NELL2: variants seen among roughly 807,000 people sequenced by gnomAD.
NELL2 encodes protein kinase C-binding protein NELL2.
Under a neutral mutation model 109.6 loss-of-function variants are expected in NELL2, and 41 were observed. The observed-to-expected ratio is 0.37, with a 90% CI of 0.29 to 0.49. The LOEUF (loss-of-function observed/expected upper bound fraction) is 0.49. Among genes scored for constraint, NELL2 ranks in the 20% least tolerant of loss-of-function variants. NELL2 has a pLI of 0.98. For synonymous variants in NELL2, 355 were observed against 344.7 expected (o/e 1.03, Z -0.33); for missense variants, 900 against 1,008.3 (o/e 0.89, Z 1.45).
chr12:44,518,658 C>T (rs1311038197), intron 19 of NELL2, among the ~76,000 whole-genome samples: 1 of 152,120 alleles, frequency 6.6e-6, no homozygotes, highest in African/African-American at 2.4e-5. Context: ...TTGTCCATCA[C>T]TCAATATATA....
intron 9 of NELL2, among the ~76,000 whole-genome samples, chr12:44,736,951 A>T (rs1039803866): frequency 3.3e-5 from 5 of 152,024 alleles, no homozygotes; most frequent in African/African-American, 1.2e-4. Flanking sequence ...TGTGACTATC[A>T]CAATGTAAAT....
intron 1 of NELL2, among the ~76,000 whole-genome samples, chr12:44,897,932 GA>G (rs1367335066): frequency 6.6e-6 from 1 of 152,206 alleles, no homozygotes; most frequent in Admixed American, 6.5e-5. Context: ...GTGGTGTGGG[GA>G]GGGGCATCCG....
At chr12:44,790,897 A>G (rs1026504880) in intron 3 of NELL2, among the ~76,000 whole-genome samples, 8 of 150,864 alleles carry the variant, frequency 5.3e-5, no homozygotes, top group Non-Finnish European at 1.0e-4. Flanking sequence ...CTTTAAAGCA[A>G]CAGCAGTTAA....
upstream of NELL2, chr12:44,877,045 C>T (rs1399790748): frequency 1.1e-5 from 3 of 266,934 alleles, no homozygotes; most frequent in Non-Finnish European, 1.9e-5. Context: ...CGTGGAGACC[C>T]GGACTCGGGC....
intron 1 of NELL2, among the ~76,000 whole-genome samples, chr12:44,899,526 G>A (rs565223768): frequency 4.2e-4 from 64 of 152,260 alleles, no homozygotes; most frequent in Middle Eastern, 6.8e-3. Context: ...CTTCAAAAGC[G>A]AAGGAGGAAT....
chr12:44,566,467 A>C (rs901528407), intron 15 of NELL2, among the ~76,000 whole-genome samples: 6 of 152,140 alleles, frequency 3.9e-5, no homozygotes, highest in African/African-American at 1.4e-4. Flanking sequence ...GGAAAATAAA[A>C]CAAGATATTA....
chr12:44,721,267 T>C (rs550355551), intron 9 of NELL2, among the ~76,000 whole-genome samples: 16 of 152,352 alleles, frequency 1.1e-4, no homozygotes, highest in African/African-American at 3.8e-4. Context: ...CTGGCTCATA[T>C]ACCATATAAC....
chr12:44,891,731 A>G (rs956738963), intron 1 of NELL2, among the ~76,000 whole-genome samples: 2 of 152,164 alleles, frequency 1.3e-5, no homozygotes, highest in African/African-American at 2.4e-5. Context: ...TACCTTAGTC[A>G]TATGATTAAG....
chr12:44,802,695 A>C (rs1236654774), intron 3 of NELL2, among the ~76,000 whole-genome samples: 1 of 152,012 alleles, frequency 6.6e-6, no homozygotes, highest in African/African-American at 2.4e-5. Context: ...TACGTAAAAA[A>C]AGTTTGTGTT....
chr12:44,770,883 A>G (rs889121333), intron 9 of NELL2, among the ~76,000 whole-genome samples: 3 of 152,164 alleles, frequency 2.0e-5, no homozygotes, highest in Admixed American at 6.5e-5. Flanking sequence ...TACAATCAAT[A>G]TAAATAAATA....
At chr12:44,682,580 T>G (rs556947591) in intron 12 of NELL2, among the ~76,000 whole-genome samples, 1 of 152,354 alleles carries the variant, frequency 6.6e-6, no homozygotes, top group East Asian at 1.9e-4. Context: ...TAATCCATCT[T>G]GAATTGATTT....
Position 44,845,911 on chromosome 12 carries a change from G to A in NELL2, c.184+29314C>T, listed in dbSNP as rs188401389. On this transcript the variant is annotated intron_variant, in intron 2 of 19. Transcript: ENST00000429094. ...GGTGTACATTTTATTGGACTGCCTC[G>A]TCTCTATTCATGTCAAAGGTTTAAT... Among the ~76,000 whole-genome samples the A allele has an allele frequency of 1.7e-3, 258 of 152,222 alleles. 1 individual carries two copies. The highest frequency in any genetic ancestry group is 1.0e-3 in the Non-Finnish European group (68 of 67,996).
chr12:44,611,433 C>G (rs1329784739), intron 13 of NELL2, among the ~76,000 whole-genome samples: 1 of 152,026 alleles, frequency 6.6e-6, no homozygotes, highest in Non-Finnish European at 1.5e-5. Context: ...GCCGTTAACA[C>G]CTGCAGCCAC....
At chr12:44,681,564 C>G (rs1162833045) in intron 12 of NELL2, among the ~76,000 whole-genome samples, 1 of 152,066 alleles carries the variant, frequency 6.6e-6, no homozygotes, top group Non-Finnish European at 1.5e-5. Flanking sequence ...CTATCCCTCC[C>G]CTCTCCGCCC....
chr12:44,735,264 T>C (rs1463218593), intron 9 of NELL2, among the ~76,000 whole-genome samples: 2 of 152,178 alleles, frequency 1.3e-5, no homozygotes, highest in Non-Finnish European at 2.9e-5. Flanking sequence ...GTTTTCATCC[T>C]ACAGTTTTGT....
At chr12:44,843,057 A>C (rs74409768) in intron 2 of NELL2, among the ~76,000 whole-genome samples, 53 of 152,300 alleles carry the variant, frequency 3.5e-4, no homozygotes, top group African/African-American at 1.3e-3. Flanking sequence ...TTGTTACAGC[A>C]GCCCTAGGAA....
At chr12:44,609,094 T>C (rs1945513292) in intron 14 of NELL2, among the ~76,000 whole-genome samples, 1 of 151,694 alleles carries the variant, frequency 6.6e-6, no homozygotes, top group Non-Finnish European at 1.5e-5. Flanking sequence ...TGAGTTAGGT[T>C]TTGTACATGG....
At chr12:44,725,915 T>G (rs2136462592) in intron 9 of NELL2, among the ~76,000 whole-genome samples, 1 of 152,300 alleles carries the variant, frequency 6.6e-6, no homozygotes, top group East Asian at 1.9e-4. Context: ...GTTTAATACC[T>G]GGGTGATGAA....
intron 15 of NELL2, among the ~76,000 whole-genome samples, chr12:44,551,361 A>G (rs1158375643): frequency 6.6e-6 from 1 of 152,200 alleles, no homozygotes; most frequent in Admixed American, 6.5e-5. Context: ...AGATGCATAT[A>G]TAATATATAT....
Sources: gnomAD v4.1 joint callset for allele counts (sites outside exome capture counted in the v4.1 genomes callset) on GRCh38, gnomAD v4.1.1 for gene constraint, MANE v1.5 for transcripts, NCBI Gene and HGNC (gene_info 2026-07-23, HGNC 2026-07-21) for gene names.